Variants in SPATA19 observed in about 807,000 individuals in gnomAD.
SPATA19 encodes spermatogenesis associated 19, also known as spermatogenesis-associated protein 19, mitochondrial.
A neutral mutation model predicts 25.0 loss-of-function variants in SPATA19; 19 were observed. That is an observed-to-expected ratio of 0.76 (90% CI 0.53 to 1.11). The LOEUF (loss-of-function observed/expected upper bound fraction) is 1.11. Among genes scored for constraint, SPATA19 ranks in the 50% most tolerant of loss-of-function variants. The probability of loss-of-function intolerance (pLI) is 0.00; values close to 1 mark genes in which losing one functional copy is unlikely to be tolerated. For missense variants in SPATA19, 222 were observed against 211.4 expected, an observed-to-expected ratio of 1.05 and a Z score of -0.31; for synonymous variants, 64 against 69.3, an observed-to-expected ratio of 0.92 and a Z score of 0.38.
At chr11:133,836,667 T>C (rs1938218454), downstream of SPATA19, among the ~76,000 whole-genome samples, 1 of 152,244 alleles carries the variant, frequency 6.6e-6, no homozygotes, top group Admixed American at 6.5e-5. Flanking sequence ...TTCTCTTCTC[T>C]GAGTAAGGCA....
At chr11:133,843,022 G>GAT (rs1938343514) in intron 4 of SPATA19, among the ~76,000 whole-genome samples, 2 of 152,048 alleles carry the variant, frequency 1.3e-5, no homozygotes, top group Non-Finnish European at 2.9e-5. Flanking sequence ...TTCATAAAGG[G>GAT]ATATATATAT....
intron 4 of SPATA19, among the ~76,000 whole-genome samples, chr11:133,842,955 T>C (rs1938342613): frequency 1.3e-5 from 2 of 152,164 alleles, no homozygotes; most frequent in South Asian, 4.1e-4. Flanking sequence ...GAGATGCTTC[T>C]AGGAAAGCCT....
At chr11:133,841,168 G>A (rs543376034) in intron 6 of SPATA19, among the ~76,000 whole-genome samples, 1 of 152,266 alleles carries the variant, frequency 6.6e-6, no homozygotes, top group African/African-American at 2.4e-5. Context: ...GAGGCACAGT[G>A]GCATTATGTA....
At chr11:133,839,328 C>G (rs1232641991), downstream of SPATA19, among the ~76,000 whole-genome samples, 2 of 152,126 alleles carry the variant, frequency 1.3e-5, no homozygotes, top group Non-Finnish European at 2.9e-5. Context: ...AGGCACATAT[C>G]CACCATGGAA....
intron 4 of SPATA19, 47 bp downstream of exon 4, chr11:133,844,199 C>T (rs1483029129): frequency 2.0e-6 from 3 of 1,483,696 alleles, no homozygotes; most frequent in East Asian, 2.3e-5. Flanking sequence ...GGGGCTTGCG[C>T]ATCTCTCCCT....
At chr11:133,838,890 C>T (rs1404442570), downstream of SPATA19, among the ~76,000 whole-genome samples, 1 of 152,190 alleles carries the variant, frequency 6.6e-6, no homozygotes, top group African/African-American at 2.4e-5. Flanking sequence ...AGACACTTCT[C>T]AAAAGAAGAC....
downstream of SPATA19, among the ~76,000 whole-genome samples, chr11:133,836,566 T>C (rs1046388349): frequency 6.6e-6 from 1 of 152,238 alleles, no homozygotes; most frequent in African/African-American, 2.4e-5. Context: ...ATTTCATGGC[T>C]GGATGACATC....
In SPATA19 at chr11:133,840,678, C is replaced by T. The variant is rs1218006638; in HGVS notation, c.*255G>A. 6.6e-6 allele frequency: 1 copy of T among 152,188 alleles called. No individual in the cohort carries two copies. 9.4% of individuals were successfully genotyped at this position (152,188 alleles called of 1,614,324 possible). On this transcript the variant is annotated 3_prime_UTR_variant, in exon 7 of 7. Coordinates refer to ENST00000299140, the MANE Select transcript of SPATA19 (RefSeq NM_174927.3). ...TTATTCGCAGTTCAGCAAGAAGACT[C>T]CAGTGCTGACACTGTCGCATGAAGA...
Sources: gnomAD v4.1 joint callset for allele counts (sites outside exome capture counted in the v4.1 genomes callset) on GRCh38, gnomAD v4.1.1 for gene constraint, MANE v1.5 for transcripts, NCBI Gene and HGNC (gene_info 2026-07-23, HGNC 2026-07-21) for gene names.